BTBD3: variants seen among roughly 807,000 people sequenced by gnomAD.
The protein encoded by BTBD3 is BTB domain containing 3.
Under a neutral mutation model 41.6 loss-of-function variants are expected in BTBD3, and 14 were observed. That is an observed-to-expected ratio of 0.34 (90% CI 0.22 to 0.53). BTBD3 has a LOEUF of 0.53. Ranked by LOEUF, BTBD3 falls within the 20% of genes least tolerant of loss-of-function variation. The pLI is 0.95. For synonymous variants in BTBD3, 249 were observed against 233.7 expected, an observed-to-expected ratio of 1.07 and a Z score of -0.60; for missense variants, 426 against 654.7, an observed-to-expected ratio of 0.65 and a Z score of 3.81.
intron 1 of BTBD3, among the ~76,000 whole-genome samples, chr20:11,900,729 A>G (rs2056818947): frequency 7.0e-6 from 1 of 141,974 alleles, no homozygotes; most frequent in Admixed American, 7.3e-5. Flanking sequence ...TTTTTTTGAG[A>G]CAGAGTGTGG....
chr20:11,897,899 C>G lies in BTBD3; in HGVS notation c.-126+6945C>G, dbSNP rs547172582. Among the ~76,000 whole-genome samples the G allele has an allele frequency of 1.3e-4, 20 of 152,312 alleles. No homozygotes were observed. The South Asian group carries it at 3.7e-3, about 28-fold the overall frequency. On this transcript the variant is annotated intron_variant, in intron 1 of 4. Transcript: ENST00000254977. ...CTGGGCCGGGCATGGTGGTTCACGC[C>G]TGTAATCCAGCACTTTGGTAGGCTG...
intron 1 of BTBD3, among the ~76,000 whole-genome samples, chr20:11,905,034 A>G (rs1187552815): frequency 1.3e-5 from 2 of 152,240 alleles, no homozygotes; most frequent in African/African-American, 4.8e-5. Context: ...ATCAAAAATC[A>G]TGTTCATTTA....
At chr20:11,919,508 T>C in intron 2 of BTBD3, 9 of 1,213,298 alleles carry the variant, frequency 7.4e-6, no homozygotes, top group Non-Finnish European at 1.0e-5. Context: ...AGGGGACATG[T>C]GCATTAATCT....
chr20:11,909,128 G>A (rs919148370), intron 1 of BTBD3, among the ~76,000 whole-genome samples: 6 of 151,936 alleles, frequency 3.9e-5, no homozygotes, highest in Admixed American at 1.3e-4. Context: ...TACAAACTTA[G>A]CCCGGTGTGG....
upstream of BTBD3, among the ~76,000 whole-genome samples, chr20:11,916,591 A>G (rs2056919210): frequency 6.6e-6 from 1 of 152,200 alleles, no homozygotes; most frequent in Admixed American, 6.5e-5. Context: ...TCTTGGTTCA[A>G]TTTAGTGTTC....
At chr20:11,900,750 C>T (rs1338503523) in intron 1 of BTBD3, among the ~76,000 whole-genome samples, 2 of 148,874 alleles carry the variant, frequency 1.3e-5, no homozygotes, top group African/African-American at 5.0e-5. Context: ...CTCTGTCGCC[C>T]AGGCTGGAGT....
upstream of BTBD3, among the ~76,000 whole-genome samples, chr20:11,916,659 A>G (rs1407797217): frequency 6.6e-6 from 1 of 152,200 alleles, no homozygotes; most frequent in African/African-American, 2.4e-5. Context: ...AATTATAACA[A>G]TAACAATCGT....
chr20:11,908,321 G>GTTTTTTTTT (rs3834758), intron 1 of BTBD3, among the ~76,000 whole-genome samples: 1,416 of 76,730 alleles, frequency 0.018, 156 homozygotes, highest in African/African-American at 0.03. Context: ...CTTCTCTGTG[G>GTTTTTTTTT]TTTTTTTTTT....
chr20:11,923,467 A>G lies in BTBD3; in HGVS notation c.1370A>G (p.Tyr457Cys). The change falls in exon 4 of 4, where the codon TAC becomes TGC. Residue 457 changes from tyrosine (Y) to cysteine (C), a missense_variant. By Grantham distance (194) the Tyr-to-Cys change is radical. Transcript: ENST00000378226. This position sits in a 1 kb window ranked among gnomAD's most constrained non-coding sequence, Gnocchi z 5.3. ...AATACCTTTCCCGTATGGTTTGAATACCCAGTGCAGATCGAGCCAGACACC... is the reference window on the plus strand; with the variant it reads ...AATACCTTTCCCGTATGGTTTGAATGCCCAGTGCAGATCGAGCCAGACACC... ...SSNTFPVWFE[Y>C]PVQIEPDTFY... The G allele has an allele frequency of 6.2e-7, 1 of 1,614,084 alleles. No individual in the cohort carries two copies. Among genetic ancestry groups the G allele is most frequent in the Non-Finnish European group, 8.5e-7 (1 of 1,180,004 alleles).
chr20:11,891,439 T>A (rs1218281266), intron 1 of BTBD3: 1 of 150,944 alleles, frequency 6.6e-6, no homozygotes, highest in Non-Finnish European at 1.5e-5. Context: ...CGGAGCAAAC[T>A]TCCCCTAAGT....
At chr20:11,908,907 A>G (rs1255087860) in intron 1 of BTBD3, among the ~76,000 whole-genome samples, 1 of 152,156 alleles carries the variant, frequency 6.6e-6, no homozygotes, top group East Asian at 1.9e-4. Context: ...TCTATTGTGT[A>G]CTTCACAACA....
upstream of BTBD3, among the ~76,000 whole-genome samples, chr20:11,917,023 G>A (rs1221204409): frequency 6.6e-6 from 1 of 152,070 alleles, no homozygotes; most frequent in Non-Finnish European, 1.5e-5. Context: ...GGTGGAATCC[G>A]AACATTTATC....
rs143653244 is a variant in BTBD3 at position 11,923,111 on chromosome 20, G to T, written c.1014G>T (p.Gly338=). The T allele has an allele frequency of 6.2e-7, 1 of 1,613,906 alleles. No individual in the cohort carries two copies. Among genetic ancestry groups the T allele is most frequent in the Non-Finnish European group, 8.5e-7 (1 of 1,180,046 alleles). ...DDFANGAAQS[G]VLTLNETNDI... ...TTGCAAATGGTGCTGCACAGTCCGG[G>T]GTATTAACTCTCAATGAGACCAACG... Residue 338 remains glycine (G), a synonymous_variant, in exon 4 of 4, where the codon GGG becomes GGT. Transcript: ENST00000378226. This position sits in a 1 kb window ranked among gnomAD's most constrained non-coding sequence, Gnocchi z 5.3.
chr20:11,917,844 T>C, upstream of BTBD3: 1 of 888,522 alleles, frequency 1.1e-6, no homozygotes, highest in Non-Finnish European at 1.4e-6. Context: ...GCACTGGCTG[T>C]CTGACTCCAT....
chr20:11,915,618 A>C (rs897509874), upstream of BTBD3, among the ~76,000 whole-genome samples: 1 of 152,172 alleles, frequency 6.6e-6, no homozygotes, highest in Admixed American at 6.5e-5. Context: ...CAGTAGCAAG[A>C]ACCTGCATTA....
rs1034373166 is a variant in BTBD3 at position 11,923,636 on chromosome 20, G to A, written c.1539G>A (p.Gly513=). 4.3e-6 allele frequency: 7 copies of A among 1,610,588 alleles called. No homozygotes were observed. The highest frequency in any genetic ancestry group is 5.1e-6 in the Non-Finnish European group (6 of 1,178,228). The change falls in exon 4 of 4, where the codon GGG becomes GGA. Residue 513 remains glycine, a synonymous_variant. Transcript: ENST00000378226. The surrounding 1 kb of genome is among the most constrained non-coding windows in gnomAD (Gnocchi z 5.3). The part of the protein sequence containing the change: ...DSTNGTGVQG[G]QIPELIFYA ...CCAATGGCACTGGGGTACAGGGAGG[G>A]CAGATCCCTGAACTTATATTCTATG...
At chr20:11,899,741 A>G (rs1191775043) in intron 1 of BTBD3, among the ~76,000 whole-genome samples, 2 of 152,154 alleles carry the variant, frequency 1.3e-5, no homozygotes, top group Non-Finnish European at 2.9e-5. Flanking sequence ...CAAAAACATC[A>G]GACTCACTTT....
At chr20:11,908,124 G>A (rs2056867291) in intron 1 of BTBD3, among the ~76,000 whole-genome samples, 3 of 152,014 alleles carry the variant, frequency 2.0e-5, no homozygotes, top group Admixed American at 2.0e-4. Flanking sequence ...TCTCCTATAC[G>A]GAACTCTTAG....
chr20:11,919,642 GT>G, intron 2 of BTBD3, 75 bp from the exon 3 acceptor site: 2 of 1,433,978 alleles, frequency 1.4e-6, no homozygotes, highest in Non-Finnish European at 2.0e-6. Context: ...TGATTGCCTA[GT>G]GTTGTTTTTC....
Sources: allele counts gnomAD v4.1 joint callset (sites outside exome capture counted in the v4.1 genomes callset), GRCh38; gene constraint gnomAD v4.1.1; non-coding constraint Gnocchi (gnomAD v3.1); transcripts MANE v1.5; gene names NCBI Gene and HGNC (gene_info 2026-07-23, HGNC 2026-07-21).